The following KRT3 variants were observed in gnomAD, a reference collection of about 807,000 sequenced individuals.
The protein encoded by KRT3 is keratin 3, also known as keratin, type II cytoskeletal 3.
KRT3 carries 34 observed loss-of-function variants against 45.8 expected under a neutral mutation model. The observed-to-expected ratio is 0.74, with a 90% confidence interval of 0.57 to 0.99. The LOEUF (loss-of-function observed/expected upper bound fraction) is 0.99. Ranked by LOEUF, KRT3 falls within the 50% of genes least tolerant of loss-of-function variation. The probability of loss-of-function intolerance (pLI) is 0.00; values close to 1 mark genes in which losing one functional copy is unlikely to be tolerated. For synonymous variants in KRT3, 367 were observed against 329.0 expected (o/e 1.12, Z -1.25); for missense variants, 828 against 820.6 (o/e 1.01, Z -0.11).
At chr12:52,791,931 T>C in intron 5 of KRT3, 115 bp from the exon 6 acceptor site, 1 of 1,166,372 alleles carries the variant, frequency 8.6e-7, no homozygotes, top group South Asian at 1.6e-5. Flanking sequence ...GCTAAAATGA[T>C]ACTGCATTGT....
chr12:52,790,390 G>A (rs1332780824), intron 8 of KRT3, 32 bp from the exon 9 acceptor site: 5 of 1,558,422 alleles, frequency 3.2e-6, no homozygotes, highest in Admixed American at 1.9e-5. Flanking sequence ...AGCGATCAGC[G>A]ACGGCGCCCA....
In KRT3 at chr12:52,791,587, GC is replaced by G. The variant is rs746300123; in HGVS notation, c.1314+103del. 46 of 1,518,830 alleles carry G rather than the reference GC, an allele frequency of 3.0e-5. No individual in the cohort carries two copies. In the East Asian group the frequency reaches 4.3e-4, roughly 14 times the overall value. 94.1% of individuals were successfully genotyped at this position (1,518,830 alleles called of 1,614,324 possible). A position where few individuals can be genotyped will look rare whatever the true frequency, so the allele number is the denominator to read the frequency against. On this transcript the variant is annotated intron_variant, in intron 6 of 8. Coordinates refer to ENST00000417996, the MANE Select transcript of KRT3 (RefSeq NM_057088.3). ...GAGATACTGCCCTGTGGGTCAGCCAGCCTGAGATGACCTCCAGACGTCTATT... is the reference window on the plus strand; with the variant it reads ...GAGATACTGCCCTGTGGGTCAGCCAGCTGAGATGACCTCCAGACGTCTATT...
chr12:52,791,388 C>G lies in KRT3; in HGVS notation c.1353G>C (p.Gln451His). The change falls in exon 7 of 9, where the codon CAG becomes CAC. Residue 451 changes from glutamine to histidine, a missense_variant. Transcript: ENST00000417996. Reference protein sequence around the residue: ...NLQTAIAEAEQHGEMALKDAN... With the variant: ...NLQTAIAEAEHHGEMALKDAN... Reference sequence around the variant, plus strand: ...CATCCTTGAGGGCCATCTCTCCATGCTGCTCGGCCTCGGCAATGGCCGTCT... The same window carrying G: ...CATCCTTGAGGGCCATCTCTCCATGGTGCTCGGCCTCGGCAATGGCCGTCT... The G allele has an allele frequency of 6.2e-7, 1 of 1,614,222 alleles. No individual in the cohort carries two copies. Among genetic ancestry groups the G allele is most frequent in the South Asian group, 1.1e-5 (1 of 91,084 alleles).
chr12:52,789,951 A>G lies in KRT3; in HGVS notation c.*91T>C. 2 of 1,311,914 alleles carry G rather than the reference A, an allele frequency of 1.5e-6. No homozygotes were observed. Among genetic ancestry groups the G allele is most frequent in the South Asian group, 2.5e-5 (2 of 79,588 alleles). 81.3% of individuals were successfully genotyped at this position (1,311,914 alleles called of 1,614,324 possible). A position where few individuals can be genotyped will look rare whatever the true frequency, so the allele number is the denominator to read the frequency against. ...CCAGCGCAGAGCCGCGTTCTTGGGG[A>G]GCATGGGGTGGCGCTGGGGGTGTTG... On this transcript the variant is annotated 3_prime_UTR_variant, in exon 9 of 9. Transcript: ENST00000417996.
chr12:52,789,828 A>G lies in KRT3; in HGVS notation c.*214T>C, dbSNP rs1030897673. 2 of 647,208 alleles carry G rather than the reference A, an allele frequency of 3.1e-6. No individual in the cohort carries two copies. Among genetic ancestry groups the G allele is most frequent in the African/African-American group, 3.6e-5 (2 of 55,082 alleles). The allele number at this position is 647,208 out of a possible 1,614,324, so 40.1% of individuals were successfully genotyped here. A position where few individuals can be genotyped will look rare whatever the true frequency, so the allele number is the denominator to read the frequency against. On this transcript the variant is annotated 3_prime_UTR_variant, in exon 9 of 9. Transcript: ENST00000417996. ...TGGCGGCCTAGGCCACACCTGGACAATCACAGGCACAGGCTGGAGCCGGAG... is the reference window on the plus strand; with the variant it reads ...TGGCGGCCTAGGCCACACCTGGACAGTCACAGGCACAGGCTGGAGCCGGAG...
chr12:52,795,683 A>T lies in KRT3; in HGVS notation c.360T>A (p.Gly120=), dbSNP rs1449884621. The T allele has an allele frequency of 6.2e-7, 1 of 1,608,092 alleles. No individual in the cohort carries two copies. Among genetic ancestry groups the T allele is most frequent in the Non-Finnish European group, 8.5e-7 (1 of 1,178,732 alleles). ...CAGCCCCTCCAAAGCCACCAGCTCC[A>T]CCAAAGCCACCTCCCATTCCTCTGC... ...GGGRGMGGGF[G]GAGGFGGAGG... Residue 120 remains glycine (G), a synonymous_variant, in exon 1 of 9, where the codon GGT becomes GGA. Coordinates refer to ENST00000417996, the MANE Select transcript of KRT3 (RefSeq NM_057088.3).
At position 52,791,784 on chromosome 12, in the gene KRT3, A is replaced by G. The variant is rs1939514455; in HGVS notation, c.1221T>C (p.His407=). ...TCTTGGTATTTCTTAGGTCATCCCC[A>G]TGCCTGCCAGCCGTGGTCTGCAGCT... is the stretch of plus-strand genomic sequence containing the variant. ...LGELQTTAGR[H]GDDLRNTKSE... The change falls in exon 6 of 9, where the codon CAT becomes CAC. Residue 407 remains histidine, a synonymous_variant. Coordinates refer to ENST00000417996, the MANE Select transcript of KRT3 (RefSeq NM_057088.3). 3.7e-6 allele frequency: 6 copies of G among 1,613,944 alleles called. No individual in the cohort carries two copies. Among genetic ancestry groups the G allele is most frequent in the South Asian group, 2.2e-5 (2 of 91,080 alleles).
chr12:52,792,269 C>G lies in KRT3; in HGVS notation c.1158G>C (p.Lys386Asn). 1.2e-6 allele frequency: 2 copies of G among 1,614,158 alleles called. No homozygotes were observed. The highest frequency in any genetic ancestry group is 1.7e-4 in the Middle Eastern group (1 of 6,056). ...AQYEDIAQRS[K>N]AEAEALYQTK... is the part of the protein sequence containing the mutation. ...TCTGGTACAGGGCCTCAGCTTCGGC[C>G]TTGCTTCTCTGAGCGATATCCTCAT... is the stretch of plus-strand genomic sequence containing the variant. The change falls in exon 5 of 9, where the codon AAG becomes AAC. Residue 386 changes from lysine to asparagine, a missense_variant. Lys to Asn is a moderately conservative substitution (Grantham distance 94). Coordinates refer to ENST00000417996, the MANE Select transcript of KRT3 (RefSeq NM_057088.3).
intron 2 of KRT3, 65 bp downstream of exon 2, chr12:52,794,046 G>T: frequency 7.7e-7 from 1 of 1,296,594 alleles, no homozygotes; most frequent in Non-Finnish European, 1.1e-6. Flanking sequence ...GGGGCATGTA[G>T]AAGGGGCCAA....
rs1939623572 is a variant in KRT3, at chr12:52,795,658, C to A, written c.385G>T (p.Gly129Cys). ...AAGCCACCAGCCCCTCCAAAGCCAC[C>A]AGCCCCTCCAAAGCCACCAGCTCCA... ...FGGAGGFGGA[G>C]GFGGAGGFGG... is the part of the protein sequence containing the mutation. Residue 129 changes from glycine to cysteine, a missense_variant, in exon 1 of 9, where the codon GGT becomes TGT. By Grantham distance (159) the Gly-to-Cys change is radical. Coordinates refer to ENST00000417996, the MANE Select transcript of KRT3 (RefSeq NM_057088.3). 1 of 1,594,408 alleles carries A rather than the reference C, an allele frequency of 6.3e-7. No individual in the cohort carries two copies. The highest frequency in any genetic ancestry group is 8.5e-7 in the Non-Finnish European group (1 of 1,174,042).
Position 52,795,715 on chromosome 12 carries a change from C to A in KRT3, c.328G>T (p.Gly110Cys), listed in dbSNP as rs776973006. 1.2e-6 allele frequency: 2 copies of A among 1,612,640 alleles called. No homozygotes were observed. The highest frequency in any genetic ancestry group is 8.5e-7 in the Non-Finnish European group (1 of 1,179,040). Reference sequence around the variant, plus strand: ...CCACCTCCCATTCCTCTGCCACCACCAAAGCCACCACCAAAGCCACCTCCA... The same window carrying A: ...CCACCTCCCATTCCTCTGCCACCACAAAAGCCACCACCAAAGCCACCTCCA... Reference protein sequence around the residue: ...GYGGGFGGGFGGGRGMGGGFG... With the variant: ...GYGGGFGGGFCGGRGMGGGFG... Residue 110 changes from glycine (G) to cysteine (C), a missense_variant, in exon 1 of 9, where the codon GGT (glycine) becomes TGT (cysteine). Gly to Cys is a radical substitution (Grantham distance 159). Transcript: ENST00000417996.
chr12:52,793,912 A>G (rs2121222873), intron 2 of KRT3, among the ~76,000 whole-genome samples, 199 bp downstream of exon 2: 1 of 152,236 alleles, frequency 6.6e-6, no homozygotes, highest in South Asian at 2.1e-4. Context: ...CTCTTGCCAC[A>G]ATTTTATTTG....
chr12:52,794,119 G>C lies in KRT3; in HGVS notation c.858C>G (p.Phe286Leu). 1 of 1,613,470 alleles carries C rather than the reference G, an allele frequency of 6.2e-7. No homozygotes were observed. Among genetic ancestry groups the C allele is most frequent in the Non-Finnish European group, 8.5e-7 (1 of 1,179,406 alleles). The change falls in exon 2 of 9, where the codon TTC (phenylalanine) becomes TTG (leucine). Residue 286 changes from phenylalanine to leucine, a missense_variant. Phe to Leu is a conservative substitution (Grantham distance 22, BLOSUM62 0). Coordinates refer to ENST00000417996, the MANE Select transcript of KRT3 (RefSeq NM_057088.3). ...CCTGCCCTGTCACTCACTTCTTCTT[G>C]AAGTCTTCCACCAGGTCCTCCATGT... ...LKNMEDLVED[F>L]KKKYEDEINK...
At position 52,790,251 on chromosome 12, in the gene KRT3, A is replaced by G. The variant is rs1283298554; in HGVS notation, c.1678T>C (p.Ser560Pro). The change falls in exon 9 of 9, where the codon TCA (serine) becomes CCA (proline). Residue 560 changes from serine (S) to proline (P), a missense_variant. Transcript: ENST00000417996. Reference sequence around the variant, plus strand: ...CCTCCCCGGCCAAAGCCACTGCCTGAGCCGCCGCCCGCACTGAAGCCACCT... The same window carrying G: ...CCTCCCCGGCCAAAGCCACTGCCTGGGCCGCCGCCCGCACTGAAGCCACCT... Reference protein sequence around the residue: ...LGGGFSAGGGSGSGFGRGGGG... With the variant: ...LGGGFSAGGGPGSGFGRGGGG... 1.9e-6 allele frequency: 3 copies of G among 1,550,600 alleles called. No individual in the cohort carries two copies. The highest frequency in any genetic ancestry group is 2.6e-6 in the Non-Finnish European group (3 of 1,146,732).
In KRT3 at chr12:52,795,402, T is replaced by C; in HGVS notation, c.641A>G (p.Asp214Gly). The C allele has an allele frequency of 6.2e-7, 1 of 1,614,124 alleles. No homozygotes were observed. Among genetic ancestry groups the C allele is most frequent in the Non-Finnish European group, 8.5e-7 (1 of 1,180,006 alleles). ...GACCAGTCAAAGCTTCATTACCTTGTCAATGAAGGAGGCAAACTTGTTGTT... is the reference window on the plus strand; with the variant it reads ...GACCAGTCAAAGCTTCATTACCTTGCCAATGAAGGAGGCAAACTTGTTGTT... ...TLNNKFASFI[D>G]KVRFLEQQNK... The change falls in exon 1 of 9, where the codon GAC (aspartate) becomes GGC (glycine). Residue 214 changes from aspartate to glycine, a missense_variant. By Grantham distance (94) the Asp-to-Gly change is moderately conservative. Transcript: ENST00000417996.
Position 52,790,164 on chromosome 12 carries a change from A to AGCCGCTGCCACCGCTGAAACC in KRT3, c.1744_1764dup (p.Gly582_Gly588dup). Reference sequence around the variant, plus strand: ...TAGCGGGCGCCAGAGATGGAGCCAAAGCCGCTGCCACCGCTGAAACCGCTG... The same window carrying AGCCGCTGCCACCGCTGAAACC: ...TAGCGGGCGCCAGAGATGGAGCCAAAGCCGCTGCCACCGCTGAAACCGCCGCTGCCACCGCTGAAACCGCTG... On this transcript the variant is annotated inframe_insertion, in exon 9 of 9. Coordinates refer to ENST00000417996, the MANE Select transcript of KRT3 (RefSeq NM_057088.3). 1.4e-6 allele frequency: 2 copies of AGCCGCTGCCACCGCTGAAACC among 1,436,440 alleles called. No homozygotes were observed. The highest frequency in any genetic ancestry group is 1.9e-6 in the Non-Finnish European group (2 of 1,073,924). 89.0% of individuals were successfully genotyped at this position (1,436,440 alleles called of 1,614,324 possible).
chr12:52,795,563 G>A lies in KRT3; in HGVS notation c.480C>T (p.Gly160=), dbSNP rs373105115. ...CCCCAGGAAAGCCCCCAGGGCCAAAGCCACCAGGACTGCCCAAGCTGCCAG... is the reference window on the plus strand; with the variant it reads ...CCCCAGGAAAGCCCCCAGGGCCAAAACCACCAGGACTGCCCAAGCTGCCAG... The part of the protein sequence containing the change: ...GGPGSLGSPG[G]FGPGGFPGGI... The change falls in exon 1 of 9, where the codon GGC becomes GGT. Residue 160 remains glycine, a synonymous_variant. Coordinates refer to ENST00000417996, the MANE Select transcript of KRT3 (RefSeq NM_057088.3). 4.3e-6 allele frequency: 7 copies of A among 1,611,952 alleles called. No individual in the cohort carries two copies. The African/African-American group carries it at 5.3e-5, about 12-fold the overall frequency.
Position 52,789,919 on chromosome 12 carries a change from AAGCCTTCCAGCGCAG to A in KRT3, c.*108_*122del. ...TCTGGAAGGAGGAGCAAGAGGCCAC[AAGCCTTCCAGCGCAG>A]AGCCGCGTTCTTGGGGAGCATGGGG... is the stretch of plus-strand genomic sequence containing the variant. On this transcript the variant is annotated 3_prime_UTR_variant, in exon 9 of 9. Transcript: ENST00000417996. 1 of 1,021,314 alleles carries A rather than the reference AAGCCTTCCAGCGCAG, an allele frequency of 9.8e-7. No homozygotes were observed. The highest frequency in any genetic ancestry group is 1.5e-6 in the Non-Finnish European group (1 of 683,740). 63.3% of individuals were successfully genotyped at this position (1,021,314 alleles called of 1,614,324 possible).
Position 52,790,097 on chromosome 12 carries a change from C to G in KRT3, c.1832G>C (p.Gly611Ala). The G allele has an allele frequency of 1.9e-6, 3 of 1,542,982 alleles. No homozygotes were observed. The highest frequency in any genetic ancestry group is 2.6e-6 in the Non-Finnish European group (3 of 1,146,890). ...GGACTGGGAGAACTTGATGCTGCCG[C>G]CCCGGTTGCTGGCCGAGCTGAAGCC... ...GGGFSSASNR[G>A]GSIKFSQSSQ... is the part of the protein sequence containing the mutation. The change falls in exon 9 of 9, where the codon GGC becomes GCC. Residue 611 changes from glycine to alanine, a missense_variant. Physicochemically the swap from Gly to Ala is moderately conservative, Grantham distance 60. Transcript: ENST00000417996.
Sources: allele counts gnomAD v4.1 joint callset (sites outside exome capture counted in the v4.1 genomes callset), GRCh38; gene constraint gnomAD v4.1.1; transcripts MANE v1.5; gene names NCBI Gene and HGNC (gene_info 2026-07-23, HGNC 2026-07-21).